NCOR1: variants seen among roughly 807,000 people sequenced by gnomAD.
The protein encoded by NCOR1 is protein phosphatase 1, regulatory subunit 109.
Under a neutral mutation model 288.1 loss-of-function variants are expected in NCOR1, and 63 were observed. The ratio of observed to expected loss-of-function variants is 0.22; its 90% confidence interval spans 0.18 to 0.27. The LOEUF is 0.27. NCOR1 is among the 10% of genes least tolerant of loss of function. The pLI, the probability that NCOR1 is intolerant of heterozygous loss-of-function variation, is 1.00. For synonymous variants in NCOR1, 1,007 were observed against 1,065.9 expected (o/e 0.94, Z 1.08); for missense variants, 2,397 against 3,019.2 (o/e 0.79, Z 4.83).
chr17:16,057,356 T>A, intron 40 of NCOR1, 158 bp downstream of exon 40: 1 of 678,564 alleles, frequency 1.5e-6, no homozygotes, highest in Non-Finnish European at 2.5e-6. Context: ...GTGGACATTC[T>A]AAGAATAATA....
chr17:16,095,560 G>T (rs1264944961), intron 21 of NCOR1, among the ~76,000 whole-genome samples: 5 of 128,858 alleles, frequency 3.9e-5, no homozygotes, highest in Admixed American at 2.2e-4. Context: ...CCCCCGCCCG[G>T]CCAGCCGCCC....
chr17:16,203,040 T>TACACACACACACACACACAC (rs57228948), intron 1 of NCOR1, among the ~76,000 whole-genome samples: 18 of 147,052 alleles, frequency 1.2e-4, no homozygotes, highest in African/African-American at 4.6e-4. Flanking sequence ...AGCTGTTCCT[T>TACACACACACACACACACAC]ACACACACAC....
chr17:16,123,270 T>C (rs1228974116), intron 15 of NCOR1, among the ~76,000 whole-genome samples: 1 of 152,220 alleles, frequency 6.6e-6, no homozygotes, highest in East Asian at 1.9e-4. Flanking sequence ...CCTCTTCCCA[T>C]ACTTCCTACA....
At chr17:16,161,207 A>G (rs2080772913) in intron 5 of NCOR1, among the ~76,000 whole-genome samples, 2 of 148,870 alleles carry the variant, frequency 1.3e-5, no homozygotes, top group South Asian at 4.3e-4. Context: ...TTATAATTCA[A>G]AGGCTAAAAG....
intron 4 of NCOR1, among the ~76,000 whole-genome samples, chr17:16,168,134 TAAC>T (rs1452917619): frequency 6.6e-6 from 1 of 152,280 alleles, no homozygotes; most frequent in East Asian, 1.9e-4. Flanking sequence ...TTCATCAAAT[TAAC>T]AATCTTTTTG....
intron 40 of NCOR1, among the ~76,000 whole-genome samples, chr17:16,054,307 T>C (rs2152519980): frequency 6.6e-6 from 1 of 152,262 alleles, no homozygotes; most frequent in East Asian, 1.9e-4. Context: ...ACTATGCACC[T>C]GACAAAGGTC....
intron 21 of NCOR1, among the ~76,000 whole-genome samples, chr17:16,095,601 G>A (rs1233457361): frequency 9.6e-6 from 1 of 104,248 alleles, no homozygotes; most frequent in Non-Finnish European, 1.9e-5. Context: ...CCTCTGCCCG[G>A]CCGCCCCTAC....
intron 26 of NCOR1, among the ~76,000 whole-genome samples, chr17:16,078,131 T>C (rs2062828303): frequency 1.3e-5 from 2 of 152,186 alleles, no homozygotes; most frequent in African/African-American, 4.8e-5. Flanking sequence ...AAATTGTTCA[T>C]AGAATCTAAT....
At chr17:16,177,639 G>T (rs1263377337) in intron 3 of NCOR1, among the ~76,000 whole-genome samples, 1 of 152,114 alleles carries the variant, frequency 6.6e-6, no homozygotes, top group African/African-American at 2.4e-5. Flanking sequence ...TCTTGGTTAG[G>T]GCTGTAACTG....
chr17:16,062,150 G>A lies in NCOR1; in HGVS notation c.5342C>T (p.Thr1781Ile). The A allele has an allele frequency of 6.2e-7, 1 of 1,613,880 alleles. No individual in the cohort carries two copies. The highest frequency in any genetic ancestry group is 8.5e-7 in the Non-Finnish European group (1 of 1,179,976). ...TGGATCCAAAGGTGTGATTACACTG[G>A]TTCCATTGGTTCCTTGGAAAACACT... ...RPSVFQGTNG[T>I]SVITPLDPTA... Residue 1781 changes from threonine to isoleucine, a missense_variant, in exon 36 of 46, where the codon ACC (threonine) becomes ATC (isoleucine). This residue lies in a region of NCOR1 where 1,872 missense variants were observed against 2,187.8 expected (regional missense o/e 0.86). Coordinates refer to ENST00000268712, the MANE Select transcript of NCOR1 (RefSeq NM_006311.4).
At position 16,034,911 on chromosome 17, in the gene NCOR1, G is replaced by A; in HGVS notation, c.6989C>T (p.Ser2330Leu). The change falls in exon 45 of 46, where the codon TCA (serine) becomes TTA (leucine). Residue 2330 changes from serine (S) to leucine (L), a missense_variant. Physicochemically the swap from Ser to Leu is moderately radical, Grantham distance 145 (BLOSUM62 -2). Coordinates refer to ENST00000268712, the MANE Select transcript of NCOR1 (RefSeq NM_006311.4). Reference sequence around the variant, plus strand: ...AGGAGACTTAGATTTCCTGCTGTTTGACTTGCTGATCAGCTTTGGTTTGCA... The same window carrying A: ...AGGAGACTTAGATTTCCTGCTGTTTAACTTGCTGATCAGCTTTGGTTTGCA... ...GVCKPKLISKSNSRKSKSPIP... is the reference protein window; with the variant it reads ...GVCKPKLISKLNSRKSKSPIP... The A allele has an allele frequency of 6.2e-7, 1 of 1,614,094 alleles. No homozygotes were observed. The highest frequency in any genetic ancestry group is 8.5e-7 in the Non-Finnish European group (1 of 1,180,010).
At chr17:16,092,647 TTATATATATATATATATATATATATA>T (rs10592611) in intron 21 of NCOR1, among the ~76,000 whole-genome samples, 2 of 32,134 alleles carry the variant, frequency 6.2e-5, no homozygotes, top group African/African-American at 1.3e-4. Flanking sequence ...TCAGATCCAT[TTATATATATATATATATATATATATA>T]TATATATATA....
chr17:16,133,935 C>T (rs2076023148), intron 14 of NCOR1, among the ~76,000 whole-genome samples: 1 of 152,238 alleles, frequency 6.6e-6, no homozygotes, highest in South Asian at 2.1e-4. Context: ...GTTCTCCCCG[C>T]CTCCTCACTG....
At chr17:16,050,304 C>T (rs1382464986) in intron 40 of NCOR1, among the ~76,000 whole-genome samples, 1 of 151,846 alleles carries the variant, frequency 6.6e-6, no homozygotes, top group African/African-American at 2.4e-5. Context: ...CTCACTATAA[C>T]CTCCACCTCC....
chr17:16,178,498 C>CAAAAAAAAAAAAAAAAAAA (rs564320622), intron 3 of NCOR1, among the ~76,000 whole-genome samples: 15 of 32,652 alleles, frequency 4.6e-4, no homozygotes, highest in South Asian at 1.1e-3. Flanking sequence ...GACTCCGTCT[C>CAAAAAAAAAAAAAAAAAAA]AAAAAAAAAA....
chr17:16,040,442 T>C lies in NCOR1; in HGVS notation c.6732A>G (p.Ser2244=). Residue 2244 remains serine (S), a splice_region_variant and synonymous_variant, in exon 43 of 46, where the codon TCA becomes TCG. Transcript: ENST00000268712. The stretch of plus-strand genomic sequence containing the variant: ...TAAATAATGTCTTTTCAATCTTACC[T>C]GACGTAGTAACTGCTGGCAGATTAA... ...EIFNLPAVTT[S]GSVSSRGHSF... The C allele has an allele frequency of 6.2e-7, 1 of 1,613,562 alleles. No homozygotes were observed. Among genetic ancestry groups the C allele is most frequent in the Non-Finnish European group, 8.5e-7 (1 of 1,179,726 alleles).
intron 6 of NCOR1, among the ~76,000 whole-genome samples, chr17:16,157,319 C>G (rs933721060): frequency 4.6e-5 from 7 of 152,090 alleles, no homozygotes; most frequent in Non-Finnish European, 8.8e-5. Flanking sequence ...AATATTGAAC[C>G]CAGCCAAGAA....
intron 14 of NCOR1, among the ~76,000 whole-genome samples, chr17:16,131,379 C>A (rs1473160703): frequency 6.6e-6 from 1 of 151,786 alleles, no homozygotes; most frequent in African/African-American, 2.4e-5. Context: ...CATATGGGTC[C>A]CCTTTGGCAA....
At chr17:16,178,550 T>C (rs1025382864) in intron 3 of NCOR1, among the ~76,000 whole-genome samples, 2 of 109,030 alleles carry the variant, frequency 1.8e-5, no homozygotes, top group African/African-American at 3.5e-5. Context: ...TGAAATAAAA[T>C]AAAAACTCAT....
Sources: gnomAD v4.1 joint callset for allele counts (sites outside exome capture counted in the v4.1 genomes callset) on GRCh38, gnomAD v4.1.1 for gene constraint, gnomAD v4.1.1 regional missense constraint, MANE v1.5 for transcripts, NCBI Gene and HGNC (gene_info 2026-07-23, HGNC 2026-07-21) for gene names.